The following SLC4A2 variants were observed in gnomAD, a reference collection of about 807,000 sequenced individuals.
SLC4A2 encodes the protein anion exchange protein 2.
A neutral mutation model predicts 115.0 loss-of-function variants in SLC4A2; 36 were observed. The observed-to-expected ratio is 0.31, with a 90% CI of 0.24 to 0.41. SLC4A2 has a LOEUF of 0.41. Among genes scored for constraint, SLC4A2 ranks in the 10% least tolerant of loss-of-function variants. The probability of loss-of-function intolerance (pLI) is 1.00; values close to 1 mark genes in which losing one functional copy is unlikely to be tolerated. For missense variants in SLC4A2, 1,252 were observed against 1,705.6 expected (o/e 0.73, Z 4.68); for synonymous variants, 708 against 708.3 (o/e 1.00, Z 0.01).
intron 16 of SLC4A2, among the ~76,000 whole-genome samples, chr7:151,073,756 T>C (rs1034584822): frequency 2.6e-5 from 4 of 152,178 alleles, no homozygotes; most frequent in Non-Finnish European, 5.9e-5. Context: ...TGGTCCTCTG[T>C]GCTCATGTCC....
rs761391947 is a variant in SLC4A2, at chr7:151,064,604, C to A, written c.296C>A (p.Pro99His). 1 of 1,613,270 alleles carries A rather than the reference C, an allele frequency of 6.2e-7. No homozygotes were observed. The highest frequency in any genetic ancestry group is 8.5e-7 in the Non-Finnish European group (1 of 1,179,936). ...CCGGATGCACGCCGCCGCAAGACACCCCAGGGCCCAGGACGGAAGCCTCGA... is the reference window on the plus strand; with the variant it reads ...CCGGATGCACGCCGCCGCAAGACACACCAGGGCCCAGGACGGAAGCCTCGA... ...LPPDARRRKTPQGPGRKPRRR... is the reference protein window; with the variant it reads ...LPPDARRRKTHQGPGRKPRRR... The change falls in exon 4 of 23, where the codon CCC becomes CAC. Residue 99 changes from proline to histidine, a missense_variant. Transcript: ENST00000413384.
chr7:151,076,139 C>A lies in SLC4A2; in HGVS notation c.3598C>A (p.Arg1200Ser). The A allele has an allele frequency of 6.2e-7, 1 of 1,610,664 alleles. No individual in the cohort carries two copies. The highest frequency in any genetic ancestry group is 8.5e-7 in the Non-Finnish European group (1 of 1,179,972). ...CATCCTCATCCTCACAGTGCCGCTC[C>A]GCATGGTGGTGCTCACCCGTATCTT... Reference protein sequence around the residue: ...PFILILTVPLRMVVLTRIFTD... With the variant: ...PFILILTVPLSMVVLTRIFTD... Residue 1200 changes from arginine (R) to serine (S), a missense_variant, in exon 22 of 23, where the codon CGC (arginine) becomes AGC (serine). Physicochemically the swap from Arg to Ser is moderately radical, Grantham distance 110. Transcript: ENST00000413384.
chr7:151,067,376 G>A (rs191647608), intron 7 of SLC4A2, among the ~76,000 whole-genome samples: 22 of 152,298 alleles, frequency 1.4e-4, no homozygotes, highest in African/African-American at 5.1e-4. Context: ...ATGAGCTGCC[G>A]CGCCGGGCCC....
Position 151,071,783 on chromosome 7 carries a change from G to A in SLC4A2, c.2286G>A (p.Leu762=), listed in dbSNP as rs1373431029. The stretch of plus-strand genomic sequence containing the variant: ...TCTGCCTGCTGGGTGCCCAGCCCCT[G>A]TTGGTGATCGGCTTCTCAGGGCCCC... ...VVFCLLGAQP[L]LVIGFSGPLL... Residue 762 remains leucine, a synonymous_variant, in exon 15 of 23, where the codon CTG becomes CTA. Coordinates refer to ENST00000413384, the MANE Select transcript of SLC4A2 (RefSeq NM_003040.4). The surrounding 1 kb of genome is among the most constrained non-coding windows in gnomAD (Gnocchi z 5.5). 1.9e-6 allele frequency: 3 copies of A among 1,611,998 alleles called. No homozygotes were observed. Among genetic ancestry groups the A allele is most frequent in the Non-Finnish European group, 8.5e-7 (1 of 1,179,572 alleles).
At chr7:151,074,902 C>A in intron 19 of SLC4A2, 61 bp downstream of exon 19, 1 of 1,481,940 alleles carries the variant, frequency 6.7e-7, no homozygotes, top group South Asian at 1.3e-5. Context: ...CTGGGGAACT[C>A]AGCATGGAAC....
At position 151,075,237 on chromosome 7, in the gene SLC4A2, C is replaced by CTGG; in HGVS notation, c.3048-18_3048-17insTGG. ...CTGAGTCCAGCCTGGGCCTCAGCAG[C>CTGG]ACCCCTCCCGCTCTCAGGCTCATCA... On this transcript the variant is annotated splice_polypyrimidine_tract_variant and intron_variant, in intron 19 of 22. Transcript: ENST00000413384. 6.2e-7 allele frequency: 1 copy of CTGG among 1,611,436 alleles called. No homozygotes were observed. The highest frequency in any genetic ancestry group is 8.5e-7 in the Non-Finnish European group (1 of 1,179,882).
At chr7:151,073,022 A>G (rs1165688001) in intron 16 of SLC4A2, among the ~76,000 whole-genome samples, 2 of 152,182 alleles carry the variant, frequency 1.3e-5, no homozygotes, top group Admixed American at 1.3e-4. Flanking sequence ...TGGCGCCATT[A>G]GAGCTCACTG....
intron 2 of SLC4A2, chr7:151,063,201 G>A (rs934385432): frequency 7.0e-7 from 1 of 1,422,510 alleles, no homozygotes; most frequent in East Asian, 2.7e-5. Flanking sequence ...TGGGGGCTGT[G>A]GGGGTGGGGT....
chr7:151,068,995 G>A (rs987836223), intron 8 of SLC4A2, among the ~76,000 whole-genome samples: 8 of 151,560 alleles, frequency 5.3e-5, no homozygotes, highest in African/African-American at 1.7e-4. Context: ...AAAAATTAGC[G>A]GGGCACGGTG....
rs1441557498 is a variant in SLC4A2, at chr7:151,075,847, C to T, written c.3471+72C>T. 4.0e-6 allele frequency: 6 copies of T among 1,500,974 alleles called. No individual in the cohort carries two copies. The East Asian group carries it at 1.1e-4, about 28-fold the overall frequency. The allele number at this position is 1,500,974 out of a possible 1,614,324, so 93.0% of individuals were successfully genotyped here. A position where few individuals can be genotyped will look rare whatever the true frequency, so the allele number is the denominator to read the frequency against. ...CTGGTCTACTTGGGTCACTCTCCAG[C>T]TGCCCCCTCCCATCTGCCCAGTTCA... On this transcript the variant is annotated intron_variant, in intron 21 of 22. Coordinates refer to ENST00000413384, the MANE Select transcript of SLC4A2 (RefSeq NM_003040.4).
At chr7:151,068,933 A>G (rs995436152) in intron 8 of SLC4A2, among the ~76,000 whole-genome samples, 1 of 151,734 alleles carries the variant, frequency 6.6e-6, no homozygotes, top group African/African-American at 2.4e-5. Context: ...AGGTCAGGAG[A>G]TTGAGACCAT....
rs1797150210 is a variant in SLC4A2 at position 151,064,233 on chromosome 7, C to G, written c.83C>G (p.Pro28Arg). ...CCAGAGAGCTTGGGCCCTGGGACGC[C>G]TGGGTTCCCCGAGCAGGAGGAAGAC... is the stretch of plus-strand genomic sequence containing the variant. ...PEPESLGPGTPGFPEQEEDEL... is the reference protein window; with the variant it reads ...PEPESLGPGTRGFPEQEEDEL... Residue 28 changes from proline (P) to arginine (R), a missense_variant, in exon 3 of 23, where the codon CCT (proline) becomes CGT (arginine). Pro to Arg is a moderately radical substitution (Grantham distance 103). This residue lies in a region of SLC4A2 where 74 missense variants were observed against 85.3 expected (regional missense o/e 0.87). Transcript: ENST00000413384. 1 of 1,612,394 alleles carries G rather than the reference C, an allele frequency of 6.2e-7. No homozygotes were observed. The highest frequency in any genetic ancestry group is 1.3e-5 in the African/African-American group (1 of 74,830).
In SLC4A2 at chr7:151,070,310, A is replaced by G. The variant is rs553896093; in HGVS notation, c.1413A>G (p.Gly471=). 3.1e-6 allele frequency: 5 copies of G among 1,612,978 alleles called. No individual in the cohort carries two copies. Among genetic ancestry groups the G allele is most frequent in the Non-Finnish European group, 2.5e-6 (3 of 1,179,486 alleles). Residue 471 remains glycine (G), a synonymous_variant, in exon 10 of 23, where the codon GGA becomes GGG. Transcript: ENST00000413384. ...CCCACGTCACCGAGCCTCTCATGGG[A>G]GGTGTTCCTGAGACCCGGCTGGAGG... ...SDPHVTEPLM[G]GVPETRLEVE...
rs1044957706 is a variant in SLC4A2 at position 151,062,160 on chromosome 7, G to A, written c.51+122G>A. On this transcript the variant is annotated intron_variant, in intron 2 of 22. Coordinates refer to ENST00000413384, the MANE Select transcript of SLC4A2 (RefSeq NM_003040.4). ...GTGTGAGTGTGGAGACTGGGAGGAT[G>A]CTGCCATCCCTACCCTGACTTTGCA... 4 of 804,034 alleles carry A rather than the reference G, an allele frequency of 5.0e-6. No individual in the cohort carries two copies. The African/African-American group carries it at 5.1e-5, about 10-fold the overall frequency. The allele number at this position is 804,034 out of a possible 1,614,324, so 49.8% of individuals were successfully genotyped here.
chr7:151,068,096 G>A, intron 8 of SLC4A2, 42 bp downstream of exon 8: 1 of 1,387,256 alleles, frequency 7.2e-7, no homozygotes, highest in African/African-American at 1.5e-5. Flanking sequence ...CCAGTCCCCA[G>A]GAAATTCTCC....
chr7:151,061,247 C>T (rs1797034793), intron 1 of SLC4A2: 1 of 151,108 alleles, frequency 6.6e-6, no homozygotes, highest in South Asian at 2.1e-4. Flanking sequence ...TGCCCACCTT[C>T]TGTGCCTTCC....
Position 151,064,694 on chromosome 7 carries a change from A to T in SLC4A2, c.386A>T (p.Asp129Val), listed in dbSNP as rs770874767. ...PTIEEGEEDEDEASEAEGARA... is the reference protein window; with the variant it reads ...PTIEEGEEDEVEASEAEGARA... ...ATTGAGGAGGGGGAGGAAGATGAGG[A>T]TGAGGCCAGCGAGGCTGAGGGGGCC... is the stretch of plus-strand genomic sequence containing the variant. Residue 129 changes from aspartate (D) to valine (V), a missense_variant, in exon 4 of 23, where the codon GAT (aspartate) becomes GTT (valine). Asp to Val is a radical substitution (Grantham distance 152). Around this residue, in one of 14 missense-constraint regions of SLC4A2, gnomAD observed 215 missense variants for 205.2 expected, o/e 1.05. Transcript: ENST00000413384. 6 of 1,613,718 alleles carry T rather than the reference A, an allele frequency of 3.7e-6. No individual in the cohort carries two copies. The East Asian group carries it at 1.1e-4, about 30-fold the overall frequency.
At chr7:151,069,035 AGGCTGAG>A in intron 8 of SLC4A2, among the ~76,000 whole-genome samples, 1 of 149,116 alleles carries the variant, frequency 6.7e-6, no homozygotes, top group Non-Finnish European at 1.5e-5. Flanking sequence ...GCTACTTGAG[AGGCTGAG>A]GCAGGAGAAT....
chr7:151,074,930 A>G (rs1250337850), intron 19 of SLC4A2, 89 bp downstream of exon 19: 63 of 1,339,254 alleles, frequency 4.7e-5, no homozygotes, highest in Non-Finnish European at 6.2e-5. Flanking sequence ...CACACTGGGC[A>G]ATCCCAGGGA....
Sources: allele counts gnomAD v4.1 joint callset (sites outside exome capture counted in the v4.1 genomes callset), GRCh38; gene constraint gnomAD v4.1.1; regional missense constraint gnomAD v4.1.1; non-coding constraint Gnocchi (gnomAD v3.1); transcripts MANE v1.5; gene names NCBI Gene and HGNC (gene_info 2026-07-23, HGNC 2026-07-21).